Variants in CSMD1 observed in about 807,000 individuals in gnomAD.
CSMD1 encodes CUB and Sushi multiple domains 1.
In CSMD1, 213 loss-of-function variants were observed where a neutral mutation model predicts 417.5. The ratio of observed to expected loss-of-function variants is 0.51; its 90% CI spans 0.46 to 0.57. The LOEUF (loss-of-function observed/expected upper bound fraction) is 0.57. Among genes scored for constraint, CSMD1 ranks in the 20% least tolerant of loss-of-function variants. The pLI is 0.00. For synonymous variants in CSMD1, 2,862 were observed against 1,736.8 expected, an observed-to-expected ratio of 1.65 and a Z score of -16.11; for missense variants, 6,923 against 4,529.7, an observed-to-expected ratio of 1.53 and a Z score of -15.17.
chr8:3,908,820 C>T (rs535351388), intron 5 of CSMD1, among the ~76,000 whole-genome samples: 9 of 152,162 alleles, frequency 5.9e-5, no homozygotes, highest in Non-Finnish European at 1.2e-4. Flanking sequence ...AACAGGATCT[C>T]TATGTGAGGA....
chr8:4,113,314 A>G (rs1215028431), intron 3 of CSMD1, among the ~76,000 whole-genome samples: 1 of 151,984 alleles, frequency 6.6e-6, no homozygotes, highest in East Asian at 1.9e-4. Context: ...AAGACATGTC[A>G]AAAAAACTAG....
At chr8:4,129,031 G>A (rs1243986932) in intron 3 of CSMD1, among the ~76,000 whole-genome samples, 5 of 141,032 alleles carry the variant, frequency 3.5e-5, no homozygotes, top group Non-Finnish European at 6.0e-5. Context: ...AGCCGAGATC[G>A]CGCCACTGCA....
chr8:4,487,337 C>T lies in CSMD1; in HGVS notation c.303-67272G>A, dbSNP rs933287653. Among the ~76,000 whole-genome samples the T allele has an allele frequency of 2.0e-5, 3 of 152,056 alleles. No individual in the cohort carries two copies. In the East Asian group the frequency reaches 5.8e-4, roughly 29 times the overall value. On this transcript the variant is annotated intron_variant, in intron 2 of 69. Transcript: ENST00000635120. Reference sequence around the variant, plus strand: ...TCCCTCCCCTCTCCCCACAACAGTCCCCAGAGTGTGATGTTCCCCTTCCTG... The same window carrying T: ...TCCCTCCCCTCTCCCCACAACAGTCTCCAGAGTGTGATGTTCCCCTTCCTG...
At chr8:4,643,435 T>G (rs1803329273) in intron 1 of CSMD1, among the ~76,000 whole-genome samples, 1 of 152,226 alleles carries the variant, frequency 6.6e-6, no homozygotes, top group Non-Finnish European at 1.5e-5. Flanking sequence ...TTCTATTGTA[T>G]ACCTGTTGGC....
chr8:4,410,996 C>G (rs1412439657), intron 3 of CSMD1, among the ~76,000 whole-genome samples: 2 of 152,038 alleles, frequency 1.3e-5, no homozygotes, highest in Non-Finnish European at 2.9e-5. Context: ...TGAGGTTGCC[C>G]CTGTGTCTTA....
chr8:3,964,007 T>G (rs1812508554), intron 5 of CSMD1, among the ~76,000 whole-genome samples: 1 of 151,860 alleles, frequency 6.6e-6, no homozygotes. Context: ...ATCCCCAGAA[T>G]GCACAAAGAA....
intron 5 of CSMD1, among the ~76,000 whole-genome samples, chr8:3,809,672 C>T (rs1800952465): frequency 6.6e-6 from 1 of 152,152 alleles, no homozygotes; most frequent in Non-Finnish European, 1.5e-5. Context: ...GATGCTGATG[C>T]TGCTAATCTG....
chr8:4,957,323 A>T (rs1809185829), intron 1 of CSMD1, among the ~76,000 whole-genome samples: 2 of 152,182 alleles, frequency 1.3e-5, no homozygotes, highest in Admixed American at 6.6e-5. Context: ...TTAAACAAGG[A>T]AAGATGCGTT....
chr8:4,674,360 T>C (rs1805542713), intron 1 of CSMD1, among the ~76,000 whole-genome samples: 1 of 151,430 alleles, frequency 6.6e-6, no homozygotes, highest in South Asian at 2.1e-4. Context: ...AATAGATAGG[T>C]TGATGCCAGG....
Position 3,271,475 on chromosome 8 carries a change from C to T in CSMD1, c.4153+12669G>A, listed in dbSNP as rs188433109. ...GGGATGGCTGGGTCAAATGGTATTT[C>T]TAGTTCTAGATCCCTGACGAATGTC... is the stretch of plus-strand genomic sequence containing the variant. On this transcript the variant is annotated intron_variant, in intron 26 of 69. Transcript: ENST00000635120. Among the ~76,000 whole-genome samples the T allele has an allele frequency of 4.9e-3, 717 of 147,592 alleles. 7 individuals are homozygous for T. The highest frequency in any genetic ancestry group is 6.8e-3 in the Non-Finnish European group (453 of 67,026).
At chr8:4,254,437 C>T (rs1352460256) in intron 3 of CSMD1, among the ~76,000 whole-genome samples, 1 of 152,132 alleles carries the variant, frequency 6.6e-6, no homozygotes, top group Non-Finnish European at 1.5e-5. Flanking sequence ...TATAGTGGAG[C>T]TGAACAATGA....
In CSMD1 at chr8:4,380,890, A is replaced by T. The variant is rs561938710; in HGVS notation, c.415+39063T>A. ...TTACTATACTTTTTATATTTTAGGT[A>T]GTAATAATATTATTGTTTTATACAT... On this transcript the variant is annotated intron_variant, in intron 3 of 69. Transcript: ENST00000635120. Among the ~76,000 whole-genome samples, 131 of 152,284 alleles carry T rather than the reference A, an allele frequency of 8.6e-4. No individual in the cohort carries two copies. The South Asian group carries it at 0.012, about 14-fold the overall frequency.
chr8:3,145,338 G>A (rs1381409315), intron 40 of CSMD1, among the ~76,000 whole-genome samples: 2 of 152,244 alleles, frequency 1.3e-5, no homozygotes, highest in Non-Finnish European at 1.5e-5. Flanking sequence ...CTTCAGATGC[G>A]CATATGCAGA....
intron 3 of CSMD1, among the ~76,000 whole-genome samples, chr8:4,304,501 G>A (rs762263372): frequency 1.5e-4 from 23 of 152,144 alleles, no homozygotes; most frequent in Non-Finnish European, 3.1e-4. Context: ...ACAAACGTAA[G>A]CCTTACTGTT....
rs753467187 is a variant in CSMD1, at chr8:3,174,799, C to T, written c.5725+6311G>A. Among the ~76,000 whole-genome samples, 54 of 151,846 alleles carry T rather than the reference C, an allele frequency of 3.6e-4. 1 individual carries two copies. Among genetic ancestry groups the T allele is most frequent in the Non-Finnish European group, 6.2e-4 (42 of 67,946 alleles). On this transcript the variant is annotated intron_variant, in intron 37 of 69. Coordinates refer to ENST00000635120, the MANE Select transcript of CSMD1 (RefSeq NM_033225.6). The stretch of plus-strand genomic sequence containing the variant: ...GGTTGGGCTGCCTTTAAAATTTTTT[C>T]CATTAAATTTTTTTTTATTGTACAC...
chr8:3,592,070 G>C (rs112638869), intron 8 of CSMD1, among the ~76,000 whole-genome samples: 19 of 152,188 alleles, frequency 1.2e-4, no homozygotes, highest in African/African-American at 4.1e-4. Flanking sequence ...TAGATAGATG[G>C]AGGAATTGAC....
chr8:3,337,271 T>A (rs138382859), intron 23 of CSMD1, among the ~76,000 whole-genome samples: 24 of 152,344 alleles, frequency 1.6e-4, no homozygotes, highest in African/African-American at 4.6e-4. Flanking sequence ...CATACCAATT[T>A]GGATGAAATA....
chr8:4,055,961 C>T (rs1445762358), intron 3 of CSMD1, among the ~76,000 whole-genome samples: 1 of 151,928 alleles, frequency 6.6e-6, no homozygotes, highest in African/African-American at 2.4e-5. Context: ...TGAAACACAC[C>T]CTACCTGAGT....
At position 4,787,908 on chromosome 8, in the gene CSMD1, C is replaced by A; in HGVS notation, c.86-150350G>T. 1.9e-6 allele frequency: 3 copies of A among 1,587,666 alleles called. No individual in the cohort carries two copies. The Admixed American group carries it at 5.2e-5, about 28-fold the overall frequency. ...AGATTGAATTTGGTGTTGATGTAAC[C>A]ACAAAGAAATTGTTCTTGCTGATGT... is the stretch of plus-strand genomic sequence containing the variant. On this transcript the variant is annotated intron_variant, in intron 1 of 69. Coordinates refer to ENST00000635120, the MANE Select transcript of CSMD1 (RefSeq NM_033225.6).
Sources: gnomAD v4.1 joint callset for allele counts (sites outside exome capture counted in the v4.1 genomes callset) on GRCh38, gnomAD v4.1.1 for gene constraint, MANE v1.5 for transcripts, NCBI Gene and HGNC (gene_info 2026-07-23, HGNC 2026-07-21) for gene names.